The following ARHGAP42 variants were observed in gnomAD, a reference collection of about 807,000 sequenced individuals.
The protein encoded by ARHGAP42 is rho GTPase-activating protein 42.
A neutral mutation model predicts 125.0 loss-of-function variants in ARHGAP42; 63 were observed. The observed-to-expected ratio is 0.50, with a 90% CI of 0.41 to 0.62. The LOEUF (loss-of-function observed/expected upper bound fraction) is 0.62. Among genes scored for constraint, ARHGAP42 ranks in the 20% least tolerant of loss-of-function variants. ARHGAP42 has a pLI of 0.00. For missense variants in ARHGAP42, 766 were observed against 1,024.2 expected, an observed-to-expected ratio of 0.75 and a Z score of 3.44; for synonymous variants, 339 against 351.0, an observed-to-expected ratio of 0.97 and a Z score of 0.38.
In ARHGAP42 at chr11:100,875,454, C is replaced by T. The variant is rs543374636; in HGVS notation, c.384+15829C>T. On this transcript the variant is annotated intron_variant, in intron 4 of 23. Transcript: ENST00000298815. ...CGGAGCCATCCCTGCCACTCCTGCA[C>T]CTGCCCCTTGACCTTGGTCAGACAT... is the stretch of plus-strand genomic sequence containing the variant. 3.4e-4 allele frequency among the ~76,000 whole-genome samples: 52 copies of T among 152,252 alleles called. No homozygotes were observed. In the East Asian group the frequency reaches 8.3e-3, roughly 24 times the overall value.
chr11:100,740,390 G>A (rs1294204867), intron 1 of ARHGAP42, among the ~76,000 whole-genome samples: 1 of 152,142 alleles, frequency 6.6e-6, no homozygotes, highest in Non-Finnish European at 1.5e-5. Flanking sequence ...TGTGAAGTGA[G>A]CACTAGCGTT....
At chr11:100,825,131 C>G (rs1864485072) in intron 3 of ARHGAP42, among the ~76,000 whole-genome samples, 1 of 152,118 alleles carries the variant, frequency 6.6e-6, no homozygotes, top group South Asian at 2.1e-4. Flanking sequence ...CAATGAGTAG[C>G]TCCTAGAAAT....
In ARHGAP42 at chr11:100,976,898, C is replaced by A; in HGVS notation, c.2320C>A (p.Leu774Met). The change falls in exon 21 of 24, where the codon CTG becomes ATG. Residue 774 changes from leucine (L) to methionine (M), a missense_variant. Transcript: ENST00000298815. Reference sequence around the variant, plus strand: ...ACCCAAAGCTTCACCAAACCCAGACCTGCCTCCGAAAATGTGCAGGAGATT... The same window carrying A: ...ACCCAAAGCTTCACCAAACCCAGACATGCCTCCGAAAATGTGCAGGAGATT... Reference protein sequence around the residue: ...ETPKASPNPDLPPKMCRRLRL... With the variant: ...ETPKASPNPDMPPKMCRRLRL... The A allele has an allele frequency of 6.4e-7, 1 of 1,551,562 alleles. No individual in the cohort carries two copies. The highest frequency in any genetic ancestry group is 8.7e-7 in the Non-Finnish European group (1 of 1,146,872).
intron 6 of ARHGAP42, 145 bp from the exon 7 acceptor site, chr11:100,933,011 T>C: frequency 1.7e-6 from 1 of 578,926 alleles, no homozygotes; most frequent in Non-Finnish European, 3.0e-6. Context: ...TTTATAATCG[T>C]AAATCTATTG....
At chr11:100,690,114 C>T (rs1861161501) in intron 1 of ARHGAP42, among the ~76,000 whole-genome samples, 1 of 152,132 alleles carries the variant, frequency 6.6e-6, no homozygotes, top group African/African-American at 2.4e-5. Flanking sequence ...CATAAGTCTG[C>T]CCACTCCACT....
At chr11:100,838,938 A>T (rs1240451351) in intron 3 of ARHGAP42, among the ~76,000 whole-genome samples, 1 of 151,914 alleles carries the variant, frequency 6.6e-6, no homozygotes. Context: ...CACCATTGAA[A>T]CTATTTCTCT....
intron 1 of ARHGAP42, among the ~76,000 whole-genome samples, chr11:100,732,329 T>C (rs556594803): frequency 6.6e-6 from 1 of 152,288 alleles, no homozygotes; most frequent in Non-Finnish European, 1.5e-5. Flanking sequence ...TGCTGCTGAA[T>C]CCTCAGTAGC....
chr11:100,974,395 A>G, intron 18 of ARHGAP42, 64 bp from the exon 19 acceptor site: 1 of 1,465,898 alleles, frequency 6.8e-7, no homozygotes. Context: ...TTCAAAGCTT[A>G]TTTTATAATG....
intron 1 of ARHGAP42, among the ~76,000 whole-genome samples, chr11:100,763,462 A>C (rs2134977075): frequency 6.6e-6 from 1 of 152,284 alleles, no homozygotes; most frequent in South Asian, 2.1e-4. Context: ...AAAGTAGAGG[A>C]ATGAGCATAC....
intron 1 of ARHGAP42, among the ~76,000 whole-genome samples, chr11:100,749,868 G>A (rs928649090): frequency 6.6e-6 from 1 of 152,102 alleles, no homozygotes; most frequent in Non-Finnish European, 1.5e-5. Flanking sequence ...GTACTTTACC[G>A]GCTCCCGCAG....
chr11:100,796,821 G>T (rs1483608207), intron 3 of ARHGAP42, among the ~76,000 whole-genome samples: 1 of 144,740 alleles, frequency 6.9e-6, no homozygotes, highest in African/African-American at 2.6e-5. Flanking sequence ...CCAGGCTGGA[G>T]TGCAGTGGCG....
chr11:100,947,739 A>T (rs1249338194), intron 10 of ARHGAP42, among the ~76,000 whole-genome samples: 1 of 152,052 alleles, frequency 6.6e-6, no homozygotes, highest in East Asian at 1.9e-4. Flanking sequence ...TAAAATATTT[A>T]TAATAAAATT....
intron 1 of ARHGAP42, among the ~76,000 whole-genome samples, chr11:100,702,166 G>T (rs1211134262): frequency 6.6e-6 from 1 of 152,048 alleles, no homozygotes; most frequent in Non-Finnish European, 1.5e-5. Context: ...TAAAGTGAGA[G>T]ACATGCAAAT....
intron 4 of ARHGAP42, among the ~76,000 whole-genome samples, chr11:100,872,970 A>G (rs1865731583): frequency 6.6e-6 from 1 of 152,190 alleles, no homozygotes; most frequent in South Asian, 2.1e-4. Context: ...GGCATCACTG[A>G]TGTACCTGAA....
chr11:100,975,977 G>A (rs1858379389), intron 19 of ARHGAP42, 80 bp from the exon 20 acceptor site: 1 of 1,415,200 alleles, frequency 7.1e-7, no homozygotes, highest in African/African-American at 1.4e-5. Flanking sequence ...ATGGTAAGTT[G>A]GAGAACAGAA....
intron 4 of ARHGAP42, among the ~76,000 whole-genome samples, chr11:100,891,604 A>G (rs969633871): frequency 4.6e-5 from 7 of 151,854 alleles, no homozygotes. Flanking sequence ...CACCACACCC[A>G]GCTAATTTTT....
intron 1 of ARHGAP42, among the ~76,000 whole-genome samples, chr11:100,699,769 C>T (rs574051928): frequency 7.2e-4 from 110 of 151,856 alleles, no homozygotes; most frequent in African/African-American, 1.5e-3. Flanking sequence ...GTGATCCACC[C>T]GCCTCGGACT....
Position 100,843,744 on chromosome 11 carries a change from G to T in ARHGAP42, c.313-15810G>T, listed in dbSNP as rs537311288. On this transcript the variant is annotated intron_variant, in intron 3 of 23. Transcript: ENST00000298815. ...ATGCTTAGGAATATATCTAACCAAG[G>T]AGGTGAAACACCTTTACAAGGAAAA... 2.6e-5 allele frequency among the ~76,000 whole-genome samples: 4 copies of T among 152,094 alleles called. No homozygotes were observed. In the South Asian group the frequency reaches 8.3e-4, roughly 31 times the overall value.
At chr11:100,696,556 T>C (rs1411325520) in intron 1 of ARHGAP42, among the ~76,000 whole-genome samples, 7 of 152,112 alleles carry the variant, frequency 4.6e-5, no homozygotes, top group Non-Finnish European at 8.8e-5. Context: ...GGTTTCACCA[T>C]GTTGGTCAAG....
Sources: gnomAD v4.1 joint callset for allele counts (sites outside exome capture counted in the v4.1 genomes callset) on GRCh38, gnomAD v4.1.1 for gene constraint, MANE v1.5 for transcripts, NCBI Gene and HGNC (gene_info 2026-07-23, HGNC 2026-07-21) for gene names.